Variants in PLA2G4F observed in about 807,000 individuals in gnomAD.
The protein encoded by PLA2G4F is cytosolic phospholipase A2 zeta.
A neutral mutation model predicts 103.1 loss-of-function variants in PLA2G4F; 105 were observed. The ratio of observed to expected loss-of-function variants is 1.02; its 90% CI spans 0.87 to 1.20. The LOEUF is 1.20. Among genes scored for constraint, PLA2G4F ranks in the 50% most tolerant of loss-of-function variants. PLA2G4F has a pLI of 0.00. For missense variants in PLA2G4F, 1,155 were observed against 1,075.9 expected, an observed-to-expected ratio of 1.07 and a Z score of -1.03; for synonymous variants, 468 against 441.1, an observed-to-expected ratio of 1.06 and a Z score of -0.76.
At chr15:42,151,060 C>T in intron 7 of PLA2G4F, 3 of 985,378 alleles carry the variant, frequency 3.0e-6, no homozygotes, top group African/African-American at 1.7e-5. Flanking sequence ...GGGGCCCTGC[C>T]CAGAGCCTGT....
At chr15:42,152,463 T>C (rs192976925) in intron 7 of PLA2G4F, among the ~76,000 whole-genome samples, 3 of 152,380 alleles carry the variant, frequency 2.0e-5, no homozygotes, top group Non-Finnish European at 4.4e-5. Context: ...TGAGATCATG[T>C]GAGTGTTTGT....
Position 42,141,826 on chromosome 15 carries a change from T to G in PLA2G4F, c.*158A>C. On this transcript the variant is annotated 3_prime_UTR_variant, in exon 20 of 20. Transcript: ENST00000397272. ...AGCCCTGCCCCAGTCCAAGCTGCAA[T>G]TCTGCAAGAGCTTTCCGGGGCCTGG... 1.4e-6 allele frequency: 1 copy of G among 730,776 alleles called. No homozygotes were observed. The highest frequency in any genetic ancestry group is 2.2e-6 in the Non-Finnish European group (1 of 447,614). The allele number at this position is 730,776 out of a possible 1,614,324, so 45.3% of individuals were successfully genotyped here.
At chr15:42,143,869 C>A in intron 18 of PLA2G4F, 109 bp downstream of exon 18, 1 of 1,384,246 alleles carries the variant, frequency 7.2e-7, no homozygotes, top group Non-Finnish European at 9.8e-7. Flanking sequence ...GCAATCCCCA[C>A]ACACCCAGCC....
At chr15:42,151,546 C>A (rs1268328813) in intron 7 of PLA2G4F, 1 of 985,220 alleles carries the variant, frequency 1.0e-6, no homozygotes, top group Non-Finnish European at 1.2e-6. Flanking sequence ...AACAGAGACC[C>A]AAAGTATGCG....
chr15:42,140,448 C>T lies in PLA2G4F; in HGVS notation c.*1536G>A, dbSNP rs1031693140. The T allele has an allele frequency of 1.3e-5, 2 of 152,268 alleles. No individual in the cohort carries two copies. Among genetic ancestry groups the T allele is most frequent in the Non-Finnish European group, 2.9e-5 (2 of 68,098 alleles). 9.4% of individuals were successfully genotyped at this position (152,268 alleles called of 1,614,324 possible). A position where few individuals can be genotyped will look rare whatever the true frequency, so the allele number is the denominator to read the frequency against. On this transcript the variant is annotated 3_prime_UTR_variant, in exon 20 of 20. Transcript: ENST00000397272. ...TGATGACAATGGCCACAGCAGGAGC[C>T]AGATAAACTCCCAGATAAACCTCTC...
chr15:42,150,232 G>A (rs1050063273), intron 9 of PLA2G4F, 91 bp from the exon 10 acceptor site: 10 of 1,581,976 alleles, frequency 6.3e-6, no homozygotes, highest in Admixed American at 3.4e-5. Context: ...GCTGCCCTGC[G>A]ATCTCTGGCC....
rs1223806551 is a variant in PLA2G4F, at chr15:42,154,478, G to C, written c.185-20C>G. 1.9e-6 allele frequency: 3 copies of C among 1,539,830 alleles called. No homozygotes were observed. On this transcript the variant is annotated intron_variant, in intron 2 of 19. Transcript: ENST00000397272. Reference sequence around the variant, plus strand: ...TGGACACTGCAGGTAGGACAGGGAGGGGCCGGGGCCTCAAGCTCTCATTGC... The same window carrying C: ...TGGACACTGCAGGTAGGACAGGGAGCGGCCGGGGCCTCAAGCTCTCATTGC...
At chr15:42,151,051 G>A (rs901996656) in intron 7 of PLA2G4F, 115 of 985,390 alleles carry the variant, frequency 1.2e-4, no homozygotes, top group Non-Finnish European at 2.7e-5. Context: ...GGAGGGAGAG[G>A]GGCCCTGCCC....
chr15:42,142,147 G>A lies in PLA2G4F; in HGVS notation c.2387C>T (p.Pro796Leu). 1 of 1,614,190 alleles carries A rather than the reference G, an allele frequency of 6.2e-7. No homozygotes were observed. Among genetic ancestry groups the A allele is most frequent in the Non-Finnish European group, 8.5e-7 (1 of 1,180,026 alleles). Reference protein sequence around the residue: ...KAFGDFVINRPDTPYGMMNFT... With the variant: ...KAFGDFVINRLDTPYGMMNFT... ...GTTCATCATGCCATAGGGGGTGTCT[G>A]GCCTGTTGATGACAAAGTCCCCAAA... Residue 796 changes from proline to leucine, a missense_variant, in exon 20 of 20, where the codon CCA becomes CTA. Pro to Leu is a moderately conservative substitution (Grantham distance 98, BLOSUM62 -3). Coordinates refer to ENST00000397272, the MANE Select transcript of PLA2G4F (RefSeq NM_213600.4).
At chr15:42,154,006 G>A (rs1418122433) in intron 4 of PLA2G4F, 86 bp downstream of exon 4, 15 of 1,584,850 alleles carry the variant, frequency 9.5e-6, no homozygotes, top group African/African-American at 1.3e-5. Flanking sequence ...GGCTTGGCCT[G>A]TGCCGACCAG....
chr15:42,142,124 T>G lies in PLA2G4F; in HGVS notation c.2410A>C (p.Asn804His). 6.2e-7 allele frequency: 1 copy of G among 1,614,196 alleles called. No individual in the cohort carries two copies. Among genetic ancestry groups the G allele is most frequent in the Non-Finnish European group, 8.5e-7 (1 of 1,180,018 alleles). The change falls in exon 20 of 20, where the codon AAC (asparagine) becomes CAC (histidine). Residue 804 changes from asparagine (N) to histidine (H), a missense_variant. Physicochemically the swap from Asn to His is moderately conservative, Grantham distance 68 (BLOSUM62 1). Coordinates refer to ENST00000397272, the MANE Select transcript of PLA2G4F (RefSeq NM_213600.4). ...NRPDTPYGMM[N>H]FTYEPQDFYR... ...AAGTCCTGGGGCTCATAGGTGAAGT[T>G]CATCATGCCATAGGGGGTGTCTGGC...
chr15:42,147,831 T>C, intron 11 of PLA2G4F, 69 bp from the exon 12 acceptor site: 1 of 1,582,838 alleles, frequency 6.3e-7, no homozygotes, highest in Non-Finnish European at 8.6e-7. Context: ...TGCCTATACA[T>C]GTAGGACATT....
intron 11 of PLA2G4F, among the ~76,000 whole-genome samples, chr15:42,148,005 C>T (rs548116234): frequency 3.0e-4 from 46 of 152,124 alleles, no homozygotes; most frequent in Admixed American, 6.5e-4. Context: ...GGTGAAACCC[C>T]GTCTCTACTA....
chr15:42,153,678 G>T lies in PLA2G4F; in HGVS notation c.451-18C>A. The T allele has an allele frequency of 6.2e-7, 1 of 1,613,974 alleles. No homozygotes were observed. Among genetic ancestry groups the T allele is most frequent in the South Asian group, 1.1e-5 (1 of 91,066 alleles). On this transcript the variant is annotated intron_variant, in intron 4 of 19. Coordinates refer to ENST00000397272, the MANE Select transcript of PLA2G4F (RefSeq NM_213600.4). ...TGTGAATCCTACATGGAGGGGGAGGGAGCACCAATTTTTTCAAGGCTCCAA... is the reference window on the plus strand; with the variant it reads ...TGTGAATCCTACATGGAGGGGGAGGTAGCACCAATTTTTTCAAGGCTCCAA...
chr15:42,145,018 C>T (rs527635033), intron 16 of PLA2G4F, among the ~76,000 whole-genome samples: 1 of 152,218 alleles, frequency 6.6e-6, no homozygotes, highest in Non-Finnish European at 1.5e-5. Context: ...GGGACCTGCC[C>T]TGGCCCTCCC....
chr15:42,151,646 T>C (rs1481423364), intron 7 of PLA2G4F: 12 of 985,140 alleles, frequency 1.2e-5, no homozygotes, highest in Non-Finnish European at 1.4e-5. Context: ...AGACTCGACA[T>C]GACCAAGTGT....
At chr15:42,144,326 A>G (rs950936594) in intron 17 of PLA2G4F, 124 bp downstream of exon 17, 2 of 1,430,312 alleles carry the variant, frequency 1.4e-6, no homozygotes, top group Admixed American at 2.0e-5. Context: ...GTCGCTCCGC[A>G]TCAGCCCATA....
intron 19 of PLA2G4F, 65 bp from the exon 20 acceptor site, chr15:42,142,269 C>G: frequency 1.4e-6 from 2 of 1,456,632 alleles, no homozygotes; most frequent in Non-Finnish European, 1.9e-6. Context: ...CTGGAACAGC[C>G]CAGAAGTCTT....
At chr15:42,144,697 C>T in intron 16 of PLA2G4F, 53 bp from the exon 17 acceptor site, 1 of 1,487,604 alleles carries the variant, frequency 6.7e-7, no homozygotes, top group Non-Finnish European at 9.0e-7. Flanking sequence ...CCTCCTTTGC[C>T]CAGTGGTCCT....
Sources: allele counts gnomAD v4.1 joint callset (sites outside exome capture counted in the v4.1 genomes callset), GRCh38; gene constraint gnomAD v4.1.1; transcripts MANE v1.5; gene names NCBI Gene and HGNC (gene_info 2026-07-23, HGNC 2026-07-21).